Variants in PLD4 observed in about 807,000 individuals in gnomAD.
The protein encoded by PLD4 is phospholipase D family member 4.
A neutral mutation model predicts 52.3 loss-of-function variants in PLD4; 54 were observed. The ratio of observed to expected loss-of-function variants is 1.03; its 90% CI spans 0.83 to 1.30. PLD4 has a LOEUF of 1.30. Ranked by LOEUF, PLD4 falls within the 50% of genes most tolerant of loss-of-function variation. The pLI, the probability that PLD4 is intolerant of heterozygous loss-of-function variation, is 0.00. For synonymous variants in PLD4, 264 were observed against 286.5 expected, an observed-to-expected ratio of 0.92 and a Z score of 0.79; for missense variants, 731 against 671.1, an observed-to-expected ratio of 1.09 and a Z score of -0.99.
downstream of PLD4, chr14:104,935,197 C>T (rs1432269621): frequency 2.0e-5 from 3 of 152,314 alleles, no homozygotes; most frequent in Non-Finnish European, 2.9e-5. Context: ...TGTGGGTTTG[C>T]TCCCTGGTTC....
chr14:104,934,813 G>A (rs1316087852), downstream of PLD4: 1 of 152,186 alleles, frequency 6.6e-6, no homozygotes, highest in Admixed American at 6.5e-5. Flanking sequence ...TTACTTTTCT[G>A]TTCGATTAGT....
rs763692269 is a variant in PLD4 at position 104,928,802 on chromosome 14, C to T, written c.338C>T (p.Pro113Leu). ...PQDLPSAAGS[P>L]SAQPLGQAWL... ...GACCTGCCATCTGCAGCCGGCAGCC[C>T]CTCTGCCCAGCCTCTGGGCCAGGCC... The change falls in exon 4 of 11, where the codon CCC becomes CTC. Residue 113 changes from proline (P) to leucine (L), a missense_variant. By Grantham distance (98) the Pro-to-Leu change is moderately conservative. Coordinates refer to ENST00000392593, the MANE Select transcript of PLD4 (RefSeq NM_138790.5). 1.2e-6 allele frequency: 2 copies of T among 1,610,446 alleles called. No homozygotes were observed. Among genetic ancestry groups the T allele is most frequent in the Admixed American group, 1.7e-5 (1 of 59,952 alleles).
downstream of PLD4, chr14:104,936,708 C>T (rs1897817375): frequency 6.6e-6 from 1 of 152,450 alleles, no homozygotes; most frequent in Admixed American, 6.5e-5. Context: ...GCGCTTCTCA[C>T]CAGGAGCCCA....
chr14:104,931,037 C>G, intron 7 of PLD4, 95 bp downstream of exon 7: 1 of 1,387,940 alleles, frequency 7.2e-7, no homozygotes, highest in South Asian at 1.2e-5. Flanking sequence ...CTGCAGACAC[C>G]AGCAGCATCA....
intron 3 of PLD4, among the ~76,000 whole-genome samples, chr14:104,928,502 C>G (rs1423200730): frequency 6.6e-6 from 1 of 152,246 alleles, no homozygotes; most frequent in Non-Finnish European, 1.5e-5. Context: ...GGCAGCCCCT[C>G]TCAGGCTCCT....
At chr14:104,929,126 C>A in intron 4 of PLD4, 181 bp from the exon 5 acceptor site, 1 of 1,203,426 alleles carries the variant, frequency 8.3e-7, no homozygotes, top group Non-Finnish European at 1.1e-6. Flanking sequence ...CTCTGGGTGA[C>A]TAAACACTCA....
chr14:104,932,966 G>C lies in PLD4; in HGVS notation c.*2G>C. The C allele has an allele frequency of 1.3e-6, 2 of 1,575,718 alleles. No individual in the cohort carries two copies. The highest frequency in any genetic ancestry group is 1.2e-5 in the South Asian group (1 of 86,884). On this transcript the variant is annotated 3_prime_UTR_variant, in exon 11 of 11. Transcript: ENST00000392593. This position sits in a 1 kb window ranked among gnomAD's most constrained non-coding sequence, Gnocchi z 6.5. ...CAGGACTGCGTTTGGCAGGGCTGAG[G>C]GGGGCCTCTTTTTCTCTCGGCGACC...
chr14:104,933,173 C>A lies in PLD4; in HGVS notation c.*209C>A. On this transcript the variant is annotated 3_prime_UTR_variant, in exon 11 of 11. Coordinates refer to ENST00000392593, the MANE Select transcript of PLD4 (RefSeq NM_138790.5). Reference sequence around the variant, plus strand: ...TGAGCCCCACCTCCTCCAGGGAGCCCTCCAGGAAGCCCCTTCCCTGACTCC... The same window carrying A: ...TGAGCCCCACCTCCTCCAGGGAGCCATCCAGGAAGCCCCTTCCCTGACTCC... 1.8e-6 allele frequency: 1 copy of A among 558,374 alleles called. No individual in the cohort carries two copies. Among genetic ancestry groups the A allele is most frequent in the Admixed American group, 3.6e-5 (1 of 27,700 alleles). The allele number at this position is 558,374 out of a possible 1,614,324, so 34.6% of individuals were successfully genotyped here.
intron 3 of PLD4, among the ~76,000 whole-genome samples, chr14:104,928,447 G>A (rs1205607645): frequency 4.6e-5 from 7 of 152,172 alleles, no homozygotes; most frequent in Non-Finnish European, 8.8e-5. Flanking sequence ...AGTGCCTCAG[G>A]GCTGAGTGGG....
downstream of PLD4, chr14:104,935,718 G>C (rs1897792142): frequency 6.6e-6 from 1 of 152,224 alleles, no homozygotes; most frequent in Non-Finnish European, 1.5e-5. Flanking sequence ...TGAGCTGCTA[G>C]GCTATGAGCT....
downstream of PLD4, chr14:104,936,186 C>T (rs955507267): frequency 2.6e-5 from 4 of 152,252 alleles, no homozygotes; most frequent in Admixed American, 2.6e-4. Context: ...GGCCTTGACT[C>T]TTGGATCAGA....
chr14:104,929,459 C>A (rs1258586462), intron 5 of PLD4, 32 bp downstream of exon 5: 1 of 1,520,164 alleles, frequency 6.6e-7, no homozygotes, highest in African/African-American at 1.4e-5. Context: ...GGCACCACTG[C>A]CCTAGCGTCG....
chr14:104,927,806 G>T lies in PLD4; in HGVS notation c.224G>T (p.Gly75Val). Residue 75 changes from glycine to valine, a missense_variant, in exon 3 of 11, where the codon GGC becomes GTC. Coordinates refer to ENST00000392593, the MANE Select transcript of PLD4 (RefSeq NM_138790.5). Reference protein sequence around the residue: ...PKDVPRSWEHGSSPAWEPLEA... With the variant: ...PKDVPRSWEHVSSPAWEPLEA... Reference sequence around the variant, plus strand: ...GACGTGCCCAGGTCCTGGGAGCATGGCTCCAGCCCAGCTTGGGAGCCCCTG... The same window carrying T: ...GACGTGCCCAGGTCCTGGGAGCATGTCTCCAGCCCAGCTTGGGAGCCCCTG... The T allele has an allele frequency of 6.3e-7, 1 of 1,594,658 alleles. No homozygotes were observed. The highest frequency in any genetic ancestry group is 8.5e-7 in the Non-Finnish European group (1 of 1,174,928).
Position 104,930,847 on chromosome 14 carries a change from C to T in PLD4, c.823C>T (p.Pro275Ser), listed in dbSNP as rs757783310. ...ACTGGGGGTGCCCAAGGCTGTCCTC[C>T]CCAAAACCTGGCCTCAGAACTTCTC... Reference protein sequence around the residue: ...WVLGVPKAVLPKTWPQNFSSH... With the variant: ...WVLGVPKAVLSKTWPQNFSSH... Residue 275 changes from proline to serine, a missense_variant, in exon 7 of 11, where the codon CCC (proline) becomes TCC (serine). By Grantham distance (74) the Pro-to-Ser change is moderately conservative. Coordinates refer to ENST00000392593, the MANE Select transcript of PLD4 (RefSeq NM_138790.5). The T allele has an allele frequency of 1.2e-6, 2 of 1,613,494 alleles. No individual in the cohort carries two copies. The highest frequency in any genetic ancestry group is 1.7e-5 in the Admixed American group (1 of 60,008).
At position 104,930,975 on chromosome 14, in the gene PLD4, C is replaced by T. The variant is rs542637971; in HGVS notation, c.918+33C>T. On this transcript the variant is annotated intron_variant, in intron 7 of 10. Coordinates refer to ENST00000392593, the MANE Select transcript of PLD4 (RefSeq NM_138790.5). The stretch of plus-strand genomic sequence containing the variant: ...GGGTTGAGAAGGAGCCCATCAGAGG[C>T]CCCTGTTCTCCCCTGGCTGGCCAGA... 2.5e-6 allele frequency: 4 copies of T among 1,600,972 alleles called. No homozygotes were observed. In the African/African-American group the frequency reaches 4.0e-5, roughly 16 times the overall value.
downstream of PLD4, chr14:104,936,858 C>A (rs1897822416): frequency 6.6e-6 from 1 of 152,198 alleles, no homozygotes; most frequent in African/African-American, 2.4e-5. Flanking sequence ...ATCCGCTACG[C>A]CACGTGGATT....
chr14:104,932,874 G>T lies in PLD4; in HGVS notation c.1431G>T (p.Leu477=). Residue 477 remains leucine (L), a synonymous_variant, in exon 11 of 11, where the codon CTG becomes CTT. Coordinates refer to ENST00000392593, the MANE Select transcript of PLD4 (RefSeq NM_138790.5). This position sits in a 1 kb window ranked among gnomAD's most constrained non-coding sequence, Gnocchi z 6.5. ...QPAGATVQEQ[L]RQLFERDWSS... ...CGGGGGCCACGGTGCAGGAGCAGCT[G>T]CGGCAGCTCTTTGAGCGGGACTGGA... 6.2e-7 allele frequency: 1 copy of T among 1,604,692 alleles called. No homozygotes were observed. Among genetic ancestry groups the T allele is most frequent in the Non-Finnish European group, 8.5e-7 (1 of 1,176,490 alleles).
At chr14:104,936,772 A>G (rs1451773301), downstream of PLD4, 1 of 152,274 alleles carries the variant, frequency 6.6e-6, no homozygotes, top group Non-Finnish European at 1.5e-5. Context: ...TGAACACTGC[A>G]TACCCATGAA....
intron 4 of PLD4, 89 bp downstream of exon 4, chr14:104,929,021 C>A: frequency 6.9e-7 from 1 of 1,452,726 alleles, no homozygotes; most frequent in Non-Finnish European, 9.3e-7. Context: ...GGGCACCAGG[C>A]CCGGGGGCTC....
Sources: allele counts gnomAD v4.1 joint callset (sites outside exome capture counted in the v4.1 genomes callset), GRCh38; gene constraint gnomAD v4.1.1; non-coding constraint Gnocchi (gnomAD v3.1); transcripts MANE v1.5; gene names NCBI Gene and HGNC (gene_info 2026-07-23, HGNC 2026-07-21).